VPS8: variants seen among roughly 807,000 people sequenced by gnomAD.
VPS8 encodes the protein VPS8 subunit of CORVET complex, also known as vacuolar protein sorting-associated protein 8 homolog.
In VPS8, 129 loss-of-function variants were observed where a neutral mutation model predicts 216.4. That is an observed-to-expected ratio of 0.60 (90% confidence interval 0.52 to 0.69). VPS8 has a LOEUF of 0.69. Among genes scored for constraint, VPS8 ranks in the 30% least tolerant of loss-of-function variants. The pLI is 0.00. For synonymous variants in VPS8, 571 were observed against 565.4 expected, an observed-to-expected ratio of 1.01 and a Z score of -0.14; for missense variants, 1,531 against 1,683.5, an observed-to-expected ratio of 0.91 and a Z score of 1.59.
chr3:184,973,210 T>A (rs964300518), intron 40 of VPS8, among the ~76,000 whole-genome samples: 3 of 152,294 alleles, frequency 2.0e-5, no homozygotes, highest in South Asian at 2.1e-4. Context: ...TGGGTTTTTT[T>A]AAATTAAAAT....
In VPS8 at chr3:184,970,342, G is replaced by A. The variant is rs140677766; in HGVS notation, c.3317-1307G>A. ...TTCCCCTACCCACTGCACAAAGAAC[G>A]TTAGTCTCCTGAAGGAGACAGATAA... On this transcript the variant is annotated intron_variant, in intron 39 of 47. Coordinates refer to ENST00000625842, the MANE Select transcript of VPS8 (RefSeq NM_001009921.3). Among the ~76,000 whole-genome samples the A allele has an allele frequency of 3.3e-5, 5 of 152,288 alleles. 1 individual carries two copies. Among genetic ancestry groups the A allele is most frequent in the African/African-American group, 4.8e-5 (2 of 41,562 alleles).
At chr3:185,031,570 C>A (rs1577225895) in intron 46 of VPS8, among the ~76,000 whole-genome samples, 1 of 152,146 alleles carries the variant, frequency 6.6e-6, no homozygotes, top group East Asian at 1.9e-4. Flanking sequence ...CTTTAGACAC[C>A]TGGAGGGCAA....
intron 23 of VPS8, among the ~76,000 whole-genome samples, chr3:184,896,202 A>G (rs1733440668): frequency 1.3e-5 from 2 of 152,108 alleles, no homozygotes; most frequent in East Asian, 1.9e-4. Flanking sequence ...CTAATTTGGC[A>G]TAGTCTTCAT....
chr3:184,930,708 A>T, intron 34 of VPS8, 140 bp downstream of exon 34: 1 of 620,988 alleles, frequency 1.6e-6, no homozygotes, highest in Non-Finnish European at 2.9e-6. Context: ...TAATTATTCT[A>T]CCTCATATTT....
At chr3:185,040,159 C>T (rs1023906028) in intron 46 of VPS8, among the ~76,000 whole-genome samples, 1 of 152,152 alleles carries the variant, frequency 6.6e-6, no homozygotes, top group Non-Finnish European at 1.5e-5. Flanking sequence ...ATAGCACAAA[C>T]ACCTCCATTA....
chr3:184,817,409 TG>T (rs1716563860), intron 1 of VPS8: 1 of 152,216 alleles, frequency 6.6e-6, no homozygotes, highest in African/African-American at 2.4e-5. Flanking sequence ...GGGCAAGGAA[TG>T]GTGGTTTAGA....
chr3:185,046,330 C>A (rs1313811365), intron 46 of VPS8, among the ~76,000 whole-genome samples: 1 of 152,124 alleles, frequency 6.6e-6, no homozygotes. Flanking sequence ...GTGACATTGC[C>A]CCTAATTTGC....
intron 46 of VPS8, 35 bp from the exon 47 acceptor site, chr3:185,048,444 T>G (rs1349344335): frequency 1.2e-6 from 2 of 1,608,610 alleles, no homozygotes; most frequent in Non-Finnish European, 8.5e-7. Flanking sequence ...CCTAGCCACG[T>G]GATGTTGTTA....
chr3:184,879,943 A>G (rs1168036881), intron 21 of VPS8, among the ~76,000 whole-genome samples: 1 of 152,212 alleles, frequency 6.6e-6, no homozygotes, highest in Non-Finnish European at 1.5e-5. Context: ...ACTCTGTTTT[A>G]CTTATGGTTT....
intron 15 of VPS8, among the ~76,000 whole-genome samples, chr3:184,861,159 A>G (rs1469819076): frequency 6.6e-6 from 1 of 152,152 alleles, no homozygotes; most frequent in Non-Finnish European, 1.5e-5. Flanking sequence ...TTTTGTATCA[A>G]ATTTTATTTT....
chr3:185,012,344 CTA>C (rs1422188666), intron 45 of VPS8, among the ~76,000 whole-genome samples: 4 of 145,362 alleles, frequency 2.8e-5, no homozygotes, highest in African/African-American at 1.0e-4. Flanking sequence ...GTACATATAT[CTA>C]TAATTTTTAT....
chr3:184,838,969 G>A, intron 6 of VPS8: 1 of 450,596 alleles, frequency 2.2e-6, no homozygotes, highest in Non-Finnish European at 3.9e-6. Context: ...AGATAATGGA[G>A]TAATATTAGC....
intron 39 of VPS8, among the ~76,000 whole-genome samples, chr3:184,971,134 G>T (rs928406963): frequency 1.3e-5 from 2 of 152,174 alleles, no homozygotes; most frequent in African/African-American, 2.4e-5. Context: ...AATGTCTTAG[G>T]TTCATTAGAA....
chr3:184,915,112 A>G (rs1414122584), intron 27 of VPS8, 59 bp downstream of exon 27: 6 of 1,577,810 alleles, frequency 3.8e-6, no homozygotes, highest in Non-Finnish European at 5.2e-6. Flanking sequence ...GACGCACTGA[A>G]GACAAATTGC....
intron 22 of VPS8, among the ~76,000 whole-genome samples, chr3:184,892,693 T>C (rs954930757): frequency 6.6e-6 from 1 of 152,236 alleles, no homozygotes; most frequent in South Asian, 2.1e-4. Context: ...TCTGATTGGT[T>C]AAGAAAGAAA....
intron 34 of VPS8, among the ~76,000 whole-genome samples, chr3:184,932,872 C>T (rs1039585867): frequency 6.6e-5 from 10 of 152,150 alleles, no homozygotes; most frequent in Non-Finnish European, 1.2e-4. Flanking sequence ...CTAGGCATTT[C>T]AGTTGTTTCT....
intron 21 of VPS8, among the ~76,000 whole-genome samples, chr3:184,875,151 C>T (rs571688325): frequency 1.5e-5 from 2 of 137,366 alleles, no homozygotes; most frequent in South Asian, 2.3e-4. Flanking sequence ...ACCTCTAATT[C>T]GGTTAGTTGA....
At chr3:184,955,389 T>C (rs1745404773) in intron 36 of VPS8, among the ~76,000 whole-genome samples, 2 of 152,102 alleles carry the variant, frequency 1.3e-5, no homozygotes, top group African/African-American at 4.8e-5. Flanking sequence ...TATGCTGCCT[T>C]CTCTATCTCT....
At chr3:184,813,950 G>A (rs952816139) in intron 1 of VPS8, 9 of 152,156 alleles carry the variant, frequency 5.9e-5, no homozygotes, top group Non-Finnish European at 1.2e-4. Context: ...AGGTGTCATC[G>A]GTACATAGTG....
Sources: allele counts gnomAD v4.1 joint callset (sites outside exome capture counted in the v4.1 genomes callset), GRCh38; gene constraint gnomAD v4.1.1; transcripts MANE v1.5; gene names NCBI Gene and HGNC (gene_info 2026-07-23, HGNC 2026-07-21).